SYNPO2: variants seen among roughly 807,000 people sequenced by gnomAD.
SYNPO2 encodes the protein synaptopodin-2.
In SYNPO2, 56 loss-of-function variants were observed where a neutral mutation model predicts 85.0. That is an observed-to-expected ratio of 0.66 (90% CI 0.53 to 0.82). The LOEUF is 0.82. Ranked by LOEUF, SYNPO2 falls within the 40% of genes least tolerant of loss-of-function variation. The pLI is 0.00. For missense variants in SYNPO2, 1,575 were observed against 1,534.2 expected (o/e 1.03, Z -0.44); for synonymous variants, 602 against 591.1 (o/e 1.02, Z -0.27).
At chr4:119,036,951 C>T in intron 4 of SYNPO2, 2 of 1,245,612 alleles carry the variant, frequency 1.6e-6, no homozygotes, top group Non-Finnish European at 2.0e-6. Context: ...GAAAGCTAGA[C>T]TCCTACAGGG....
intron 1 of SYNPO2, among the ~76,000 whole-genome samples, chr4:119,022,966 C>CG (rs767367833): frequency 5.9e-5 from 9 of 151,502 alleles, no homozygotes; most frequent in Non-Finnish European, 1.2e-4. Flanking sequence ...TTAGTAGAGA[C>CG]GGGGTTTCAC....
At chr4:118,970,702 C>T (rs918759076) in intron 1 of SYNPO2, among the ~76,000 whole-genome samples, 1 of 152,148 alleles carries the variant, frequency 6.6e-6, no homozygotes, top group Non-Finnish European at 1.5e-5. Context: ...ATAGAGAAAG[C>T]TACAAACACT....
chr4:119,002,052 C>T (rs893260878), intron 1 of SYNPO2, among the ~76,000 whole-genome samples: 4 of 152,190 alleles, frequency 2.6e-5, no homozygotes, highest in Admixed American at 2.0e-4. Context: ...GATTGAATCA[C>T]TATTCAGTGC....
At chr4:118,981,204 G>T (rs1735995286) in intron 1 of SYNPO2, among the ~76,000 whole-genome samples, 1 of 152,182 alleles carries the variant, frequency 6.6e-6, no homozygotes. Context: ...ATGAAGGACA[G>T]CACAGCGTGT....
At chr4:118,898,742 C>T (rs1034670912) in intron 1 of SYNPO2, among the ~76,000 whole-genome samples, 1 of 152,166 alleles carries the variant, frequency 6.6e-6, no homozygotes. Flanking sequence ...CCGACGGCCC[C>T]GCTGTGGCAC....
Position 119,026,718 on chromosome 4 carries a change from A to G in SYNPO2, c.349A>G (p.Thr117Ala). The G allele has an allele frequency of 1.2e-6, 2 of 1,614,100 alleles. No homozygotes were observed. Among genetic ancestry groups the G allele is most frequent in the Non-Finnish European group, 1.7e-6 (2 of 1,180,008 alleles). ...ACATGGGGGTTATGTGGAAAGTACC[A>G]CCCTGCAGATTCGACCGGCCACAAA... ...LTHGGYVEST[T>A]LQIRPATKTQ... The change falls in exon 3 of 5, where the codon ACC (threonine) becomes GCC (alanine). Residue 117 changes from threonine to alanine, a missense_variant. Transcript: ENST00000307142.
chr4:119,007,230 A>G (rs80178364), intron 1 of SYNPO2, among the ~76,000 whole-genome samples: 12,901 of 58,078 alleles, frequency 0.22, 1,550 homozygotes, highest in South Asian at 0.42. Flanking sequence ...ATATATATAT[A>G]TATATATATA....
chr4:119,039,330 C>G (rs1430483339), intron 4 of SYNPO2, among the ~76,000 whole-genome samples: 1 of 152,168 alleles, frequency 6.6e-6, no homozygotes, highest in Non-Finnish European at 1.5e-5. Flanking sequence ...ACTACCTCCC[C>G]TGATTGCAAG....
chr4:118,893,037 AG>A (rs1251377552), intron 1 of SYNPO2, among the ~76,000 whole-genome samples: 3 of 152,162 alleles, frequency 2.0e-5, no homozygotes, highest in African/African-American at 7.2e-5. Context: ...AGGGGGAAAA[AG>A]ATTTTAATGT....
chr4:119,012,708 C>T (rs747857468), intron 1 of SYNPO2, among the ~76,000 whole-genome samples: 85 of 152,182 alleles, frequency 5.6e-4, no homozygotes, highest in Non-Finnish European at 1.1e-3. Context: ...TCATCCACGT[C>T]CCTTCAAAGG....
At position 119,026,945 on chromosome 4, in the gene SYNPO2, G is replaced by C. The variant is rs1415177831; in HGVS notation, c.576G>C (p.Gln192His). The change falls in exon 3 of 5, where the codon CAG becomes CAC. Residue 192 changes from glutamine (Q) to histidine (H), a missense_variant. This residue lies in a region of SYNPO2 where 1,508 missense variants were observed against 1,446.8 expected (regional missense o/e 1.04). Coordinates refer to ENST00000307142, the MANE Select transcript of SYNPO2 (RefSeq NM_133477.3). ...LILREKVEAV[Q>H]PGPVVELQLS... is the part of the protein sequence containing the mutation. ...TAAGGGAGAAGGTAGAAGCGGTACA[G>C]CCTGGGCCTGTGGTTGAGCTGCAAC... The C allele has an allele frequency of 5.0e-6, 8 of 1,614,076 alleles. No individual in the cohort carries two copies. Among genetic ancestry groups the C allele is most frequent in the Non-Finnish European group, 6.8e-6 (8 of 1,180,040 alleles).
rs1254219373 is a variant in SYNPO2 at position 119,030,231 on chromosome 4, G to A, written c.1456G>A (p.Asp486Asn). Residue 486 changes from aspartate (D) to asparagine (N), a missense_variant, in exon 4 of 5, where the codon GAC becomes AAC. By Grantham distance (23) the Asp-to-Asn change is conservative. Transcript: ENST00000307142. Reference sequence around the variant, plus strand: ...AGGGGACAAGATGGAGATGTTACCAGACACCACAGGCAAGGGAGCCCTCAT... The same window carrying A: ...AGGGGACAAGATGGAGATGTTACCAAACACCACAGGCAAGGGAGCCCTCAT... ...NRGDKMEMLP[D>N]TTGKGALMFA... is the part of the protein sequence containing the mutation. 5 of 1,614,038 alleles carry A rather than the reference G, an allele frequency of 3.1e-6. No homozygotes were observed. In the East Asian group the frequency reaches 1.1e-4, roughly 36 times the overall value.
At chr4:118,929,936 T>C (rs1733866431) in intron 1 of SYNPO2, among the ~76,000 whole-genome samples, 2 of 152,124 alleles carry the variant, frequency 1.3e-5, no homozygotes, top group South Asian at 2.1e-4. Flanking sequence ...ATTTAGTAAA[T>C]AGAAACTACA....
chr4:119,032,592 G>A (rs1288549419), intron 4 of SYNPO2: 12 of 994,090 alleles, frequency 1.2e-5, no homozygotes, highest in Middle Eastern at 5.2e-4. Context: ...GAAGATACTC[G>A]GAGGATTGTT....
At chr4:119,004,577 T>TGG (rs1560968522) in intron 1 of SYNPO2, among the ~76,000 whole-genome samples, 4 of 148,692 alleles carry the variant, frequency 2.7e-5, no homozygotes, top group Admixed American at 6.8e-5. Context: ...TATGGCTGCA[T>TGG]AGTATTCCAT....
At chr4:118,950,833 C>T (rs1734670630) in intron 1 of SYNPO2, among the ~76,000 whole-genome samples, 1 of 152,258 alleles carries the variant, frequency 6.6e-6, no homozygotes, top group African/African-American at 2.4e-5. Flanking sequence ...AAGGTTGAGT[C>T]TCAGAAATTC....
intron 1 of SYNPO2, among the ~76,000 whole-genome samples, chr4:118,861,993 T>C (rs772132720): frequency 1.3e-4 from 20 of 152,216 alleles, no homozygotes; most frequent in Non-Finnish European, 2.1e-4. Context: ...TCTTTCCATT[T>C]TTTTGGTGTG....
At chr4:118,876,692 TC>T in intron 1 of SYNPO2, among the ~76,000 whole-genome samples, 1 of 99,236 alleles carries the variant, frequency 1.0e-5, no homozygotes, top group African/African-American at 3.8e-5. Context: ...TTTCTTTCTT[TC>T]TTTCTTTCTT....
At chr4:118,876,371 C>T (rs1230118741) in intron 1 of SYNPO2, among the ~76,000 whole-genome samples, 1 of 152,132 alleles carries the variant, frequency 6.6e-6, no homozygotes, top group African/African-American at 2.4e-5. Flanking sequence ...TTTTGATCAC[C>T]TTATGTGTTG....
Sources: allele counts gnomAD v4.1 joint callset (sites outside exome capture counted in the v4.1 genomes callset), GRCh38; gene constraint gnomAD v4.1.1; regional missense constraint gnomAD v4.1.1; transcripts MANE v1.5; gene names NCBI Gene and HGNC (gene_info 2026-07-23, HGNC 2026-07-21).